PLCXD3: variants seen among roughly 807,000 people sequenced by gnomAD.
PLCXD3 encodes phosphatidylinositol specific phospholipase C X domain containing 3, also known as PI-PLC X domain-containing protein 3.
A neutral mutation model predicts 25.5 loss-of-function variants in PLCXD3; 19 were observed. The ratio of observed to expected loss-of-function variants is 0.75; its 90% CI spans 0.52 to 1.09. The LOEUF (loss-of-function observed/expected upper bound fraction) is 1.09, where lower values mean the gene tolerates loss of function less well. Ranked by LOEUF, PLCXD3 falls within the 50% of genes least tolerant of loss-of-function variation. The pLI is 0.00. For synonymous variants in PLCXD3, 174 were observed against 137.6 expected (o/e 1.26, Z -1.85); for missense variants, 411 against 388.1 (o/e 1.06, Z -0.50).
At chr5:41,328,457 G>A (rs540548792) in intron 2 of PLCXD3, among the ~76,000 whole-genome samples, 1 of 152,342 alleles carries the variant, frequency 6.6e-6, no homozygotes, top group Non-Finnish European at 1.5e-5. Flanking sequence ...CAAGACTGGT[G>A]ATGAGGCATT....
chr5:41,333,114 A>G (rs1217510826), intron 2 of PLCXD3, among the ~76,000 whole-genome samples: 2 of 151,466 alleles, frequency 1.3e-5, no homozygotes, highest in East Asian at 1.9e-4. Flanking sequence ...ATAATATAAA[A>G]TAAAAGACAA....
intron 1 of PLCXD3, among the ~76,000 whole-genome samples, chr5:41,497,669 G>A (rs1748870169): frequency 6.6e-6 from 1 of 151,684 alleles, no homozygotes; most frequent in African/African-American, 2.4e-5. Flanking sequence ...CTACAGTTTA[G>A]ACAAAATGAA....
intron 1 of PLCXD3, among the ~76,000 whole-genome samples, chr5:41,481,102 T>TAAAAAA (rs554092157): frequency 7.4e-4 from 54 of 72,788 alleles, no homozygotes; most frequent in East Asian, 2.2e-3. Context: ...ACCTAATTTG[T>TAAAAAA]AAAAAAAAAA....
chr5:41,367,607 G>A (rs1744974297), intron 2 of PLCXD3, among the ~76,000 whole-genome samples: 2 of 152,136 alleles, frequency 1.3e-5, no homozygotes, highest in African/African-American at 2.4e-5. Context: ...TTACTCTGCT[G>A]ATAGTTTCTT....
intron 1 of PLCXD3, among the ~76,000 whole-genome samples, chr5:41,464,783 A>T (rs1329524008): frequency 6.6e-6 from 1 of 152,050 alleles, no homozygotes; most frequent in Non-Finnish European, 1.5e-5. Context: ...CTGAATTCAT[A>T]GCATATGCGT....
At chr5:41,391,318 T>G (rs1216144401) in intron 1 of PLCXD3, among the ~76,000 whole-genome samples, 4 of 152,012 alleles carry the variant, frequency 2.6e-5, no homozygotes, top group African/African-American at 9.7e-5. Context: ...TCCTTTGTCT[T>G]GAGGAAAGGG....
At position 41,428,679 on chromosome 5, in the gene PLCXD3, A is replaced by T. The variant is rs141620980; in HGVS notation, c.104-46145T>A. On this transcript the variant is annotated intron_variant, in intron 1 of 2. Coordinates refer to ENST00000377801, the MANE Select transcript of PLCXD3 (RefSeq NM_001005473.3). The stretch of plus-strand genomic sequence containing the variant: ...TAGCACACTAATAGTGTTTTACCAC[A>T]GGAGTCTCCAACTTAAAATTTTTCA... Among the ~76,000 whole-genome samples, 567 of 152,272 alleles carry T rather than the reference A, an allele frequency of 3.7e-3. 4 individuals are homozygous for T. Among genetic ancestry groups the T allele is most frequent in the Middle Eastern group, 0.01 (3 of 294 alleles).
chr5:41,444,513 C>T (rs1239552257), intron 1 of PLCXD3, among the ~76,000 whole-genome samples: 1 of 152,156 alleles, frequency 6.6e-6, no homozygotes, highest in Non-Finnish European at 1.5e-5. Flanking sequence ...TAAATTCCTC[C>T]TGCTGAAATA....
chr5:41,397,200 C>A (rs530557921), intron 1 of PLCXD3, among the ~76,000 whole-genome samples: 2 of 152,272 alleles, frequency 1.3e-5, no homozygotes, highest in African/African-American at 4.8e-5. Flanking sequence ...CTATCACAGG[C>A]CTGGAGGCCT....
At chr5:41,329,998 TAC>T (rs1743746881) in intron 2 of PLCXD3, among the ~76,000 whole-genome samples, 1 of 151,986 alleles carries the variant, frequency 6.6e-6, no homozygotes, top group Admixed American at 6.6e-5. Flanking sequence ...ACTTATATTT[TAC>T]AGTTATGGGC....
chr5:41,480,030 A>G (rs1306319871), intron 1 of PLCXD3, among the ~76,000 whole-genome samples: 1 of 152,192 alleles, frequency 6.6e-6, no homozygotes, highest in Non-Finnish European at 1.5e-5. Context: ...GTTTGGGAAA[A>G]TGCATTTGTT....
chr5:41,338,223 T>C (rs1310090371), intron 2 of PLCXD3, among the ~76,000 whole-genome samples: 1 of 152,118 alleles, frequency 6.6e-6, no homozygotes, highest in African/African-American at 2.4e-5. Flanking sequence ...TCATGAGAGA[T>C]TAAAGATGTG....
At chr5:41,319,184 T>C (rs942025325) in intron 2 of PLCXD3, among the ~76,000 whole-genome samples, 3 of 152,140 alleles carry the variant, frequency 2.0e-5, no homozygotes, top group Non-Finnish European at 4.4e-5. Context: ...CTCAACACCC[T>C]ACTTTCAGTA....
rs1424195209 is a variant in PLCXD3 at position 41,311,326 on chromosome 5, AAAG to A, written c.*2288_*2290del. On this transcript the variant is annotated 3_prime_UTR_variant, in exon 3 of 3. Coordinates refer to ENST00000377801, the MANE Select transcript of PLCXD3 (RefSeq NM_001005473.3). ...AAAACTACAAGGGAAGGGAAAATGG[AAAG>A]AAGAGAAGAAATATATTTTAAAAAT... 3.3e-5 allele frequency: 5 copies of A among 152,192 alleles called. No individual in the cohort carries two copies. The highest frequency in any genetic ancestry group is 5.9e-5 in the Non-Finnish European group (4 of 68,018). The allele number at this position is 152,192 out of a possible 1,614,324, so 9.4% of individuals were successfully genotyped here. A position where few individuals can be genotyped will look rare whatever the true frequency, so the allele number is the denominator to read the frequency against.
At position 41,381,913 on chromosome 5, in the gene PLCXD3, A is replaced by T; in HGVS notation, c.725T>A (p.Phe242Tyr). 1 of 1,613,332 alleles carries T rather than the reference A, an allele frequency of 6.2e-7. No homozygotes were observed. ...GGTCAGCACCACCTGAGATATAAAA[A>T]ACGATCCCTTCTTTCTTCTCTCAGT... ...SITERRKKGS[F>Y]FISQVVLTPK... is the part of the protein sequence containing the mutation. Residue 242 changes from phenylalanine (F) to tyrosine (Y), a missense_variant, in exon 2 of 3, where the codon TTT (phenylalanine) becomes TAT (tyrosine). Coordinates refer to ENST00000377801, the MANE Select transcript of PLCXD3 (RefSeq NM_001005473.3).
chr5:41,459,699 C>T (rs1341289753), intron 1 of PLCXD3, among the ~76,000 whole-genome samples: 1 of 151,716 alleles, frequency 6.6e-6, no homozygotes, highest in Non-Finnish European at 1.5e-5. Flanking sequence ...CCATCAGAGA[C>T]ACATCCCTGC....
intron 2 of PLCXD3, among the ~76,000 whole-genome samples, chr5:41,368,920 A>G (rs533587205): frequency 6.6e-6 from 1 of 152,342 alleles, no homozygotes; most frequent in East Asian, 1.9e-4. Flanking sequence ...AACCCGCATC[A>G]GGAGACATGG....
At chr5:41,377,974 G>T (rs1358039297) in intron 2 of PLCXD3, among the ~76,000 whole-genome samples, 1 of 151,984 alleles carries the variant, frequency 6.6e-6, no homozygotes, top group East Asian at 1.9e-4. Context: ...TCCTTTCATG[G>T]CACAGAAGAA....
rs142785602 is a variant in PLCXD3, at chr5:41,385,143, G to A, written c.104-2609C>T. ...TTGAATGTAAAGCAAAAATACAACA[G>A]GACTTCATAACCATTCAATAATTGA... is the stretch of plus-strand genomic sequence containing the variant. On this transcript the variant is annotated intron_variant, in intron 1 of 2. Transcript: ENST00000377801. Among the ~76,000 whole-genome samples the A allele has an allele frequency of 2.9e-4, 44 of 152,120 alleles. 1 individual carries two copies. In the East Asian group the frequency reaches 7.0e-3, roughly 24 times the overall value.
Sources: gnomAD v4.1 joint callset for allele counts (sites outside exome capture counted in the v4.1 genomes callset) on GRCh38, gnomAD v4.1.1 for gene constraint, MANE v1.5 for transcripts, NCBI Gene and HGNC (gene_info 2026-07-23, HGNC 2026-07-21) for gene names.